ATP2B2: variants seen among roughly 807,000 people sequenced by gnomAD.
ATP2B2 encodes the protein plasma membrane calcium-transporting ATPase 2.
A neutral mutation model predicts 120.0 loss-of-function variants in ATP2B2; 15 were observed. That is an observed-to-expected ratio of 0.12 (90% CI 0.08 to 0.19). The LOEUF is 0.19. Ranked by LOEUF, ATP2B2 falls within the 10% of genes least tolerant of loss-of-function variation. The pLI is 1.00. For synonymous variants in ATP2B2, 694 were observed against 700.3 expected (o/e 0.99, Z 0.14); for missense variants, 1,045 against 1,719.8 (o/e 0.61, Z 6.94).
chr3:10,467,743 C>T lies in ATP2B2; in HGVS notation c.-319-17881G>A, dbSNP rs1047963125. Among the ~76,000 whole-genome samples the T allele has an allele frequency of 1.5e-3, 225 of 152,170 alleles. 5 individuals are homozygous for T. Among genetic ancestry groups the T allele is most frequent in the Admixed American group, 8.5e-4 (13 of 15,278 alleles). On this transcript the variant is annotated intron_variant, in intron 1 of 22. Coordinates refer to ENST00000360273, the MANE Select transcript of ATP2B2 (RefSeq NM_001001331.4). ...TACTGAACCGGAGGAAACGAGGTAA[C>T]ATTTTTGGCGGGGAGATGGCCAATG...
intron 2 of ATP2B2, among the ~76,000 whole-genome samples, chr3:10,429,390 T>C (rs955286761): frequency 6.6e-6 from 1 of 152,210 alleles, no homozygotes; most frequent in African/African-American, 2.4e-5. Flanking sequence ...CATGCTCACC[T>C]CATTTCTCTA....
rs779631357 is a variant in ATP2B2, at chr3:10,350,216, A to G, written c.2317-17T>C. The G allele has an allele frequency of 7.3e-5, 103 of 1,410,480 alleles. No homozygotes were observed. The Middle Eastern group carries it at 9.1e-4, about 12-fold the overall frequency. 87.4% of individuals were successfully genotyped at this position (1,410,480 alleles called of 1,614,324 possible). On this transcript the variant is annotated splice_polypyrimidine_tract_variant and intron_variant, in intron 15 of 22. Coordinates refer to ENST00000360273, the MANE Select transcript of ATP2B2 (RefSeq NM_001001331.4). ...CTGCTCAATCTGGAGAGGGATGGGG[A>G]AGGGGGCGGGTCGGTGGGGTCGGGG...
At chr3:10,512,464 G>GCGCGCGCACACACACACA (rs749056818) in intron 3 of ATP2B2, among the ~76,000 whole-genome samples, 58 of 137,014 alleles carry the variant, frequency 4.2e-4, no homozygotes, top group Middle Eastern at 3.8e-3. Flanking sequence ...AAGTGTGTGC[G>GCGCGCGCACACACACACA]CACACACACA....
At chr3:10,336,015 C>A (rs569973519) in intron 22 of ATP2B2, 1 of 1,305,478 alleles carries the variant, frequency 7.7e-7, no homozygotes, top group Non-Finnish European at 1.0e-6. Flanking sequence ...CCCTTCATCC[C>A]CCTGGGCCTG....
chr3:10,706,190 G>GTGAGTGAA (rs2071893394), intron 1 of ATP2B2, among the ~76,000 whole-genome samples: 1 of 152,118 alleles, frequency 6.6e-6, no homozygotes, highest in African/African-American at 2.4e-5. Context: ...GAGTGAGTGA[G>GTGAGTGAA]TGAATGAATG....
At chr3:10,525,384 T>G (rs2067071360) in intron 3 of ATP2B2, among the ~76,000 whole-genome samples, 1 of 152,242 alleles carries the variant, frequency 6.6e-6, no homozygotes, top group Admixed American at 6.5e-5. Flanking sequence ...TAGAAGAGTT[T>G]TAGATTTACA....
chr3:10,691,045 G>T (rs1322699296), intron 1 of ATP2B2, among the ~76,000 whole-genome samples: 1 of 152,140 alleles, frequency 6.6e-6, no homozygotes, highest in Admixed American at 6.5e-5. Flanking sequence ...GCCTACTCAG[G>T]GTGTCCAGTT....
At chr3:10,490,755 C>T (rs916994470) in intron 1 of ATP2B2, among the ~76,000 whole-genome samples, 1 of 152,158 alleles carries the variant, frequency 6.6e-6, no homozygotes, top group African/African-American at 2.4e-5. Context: ...GAGCTGCACC[C>T]AGTAGGTGCA....
At position 10,371,802 on chromosome 3, in the gene ATP2B2, C is replaced by T; in HGVS notation, c.1659+7G>A. The T allele has an allele frequency of 6.2e-7, 1 of 1,614,152 alleles. No homozygotes were observed. Among genetic ancestry groups the T allele is most frequent in the Non-Finnish European group, 8.5e-7 (1 of 1,180,028 alleles). On this transcript the variant is annotated splice_region_variant and intron_variant, in intron 12 of 22. Transcript: ENST00000360273. Reference sequence around the variant, plus strand: ...CCAGGTGGTGGATGTGCCTGGTCCACACTTACCAGAATCTTGGTGGTGTAG... The same window carrying T: ...CCAGGTGGTGGATGTGCCTGGTCCATACTTACCAGAATCTTGGTGGTGTAG...
chr3:10,668,508 C>T (rs774755070), intron 1 of ATP2B2, among the ~76,000 whole-genome samples: 78 of 152,338 alleles, frequency 5.1e-4, no homozygotes, highest in Non-Finnish European at 9.7e-4. Flanking sequence ...TGCCCCCAGG[C>T]GTGCCCCTGC....
intron 1 of ATP2B2, among the ~76,000 whole-genome samples, chr3:10,690,095 T>C (rs2071622190): frequency 6.6e-6 from 1 of 152,170 alleles, no homozygotes; most frequent in Non-Finnish European, 1.5e-5. Flanking sequence ...CTGGGGGCAG[T>C]CAAACAGCAA....
At chr3:10,501,373 G>GTTTT (rs71626976) in intron 1 of ATP2B2, among the ~76,000 whole-genome samples, 18 of 143,802 alleles carry the variant, frequency 1.3e-4, no homozygotes, top group African/African-American at 4.1e-4. Flanking sequence ...TTTTTAAACG[G>GTTTT]TTTTTTTTTT....
chr3:10,324,889 C>G lies in ATP2B2; in HGVS notation c.*3925G>C, dbSNP rs2059834828. On this transcript the variant is annotated 3_prime_UTR_variant, in exon 23 of 23. Transcript: ENST00000360273. Reference sequence around the variant, plus strand: ...AGTGCAGACAACTGGGCCACACATTCTTTCCCAGCTCCAGGCCTAGGAGAG... The same window carrying G: ...AGTGCAGACAACTGGGCCACACATTGTTTCCCAGCTCCAGGCCTAGGAGAG... The G allele has an allele frequency of 6.6e-6, 1 of 152,268 alleles. No homozygotes were observed. Among genetic ancestry groups the G allele is most frequent in the Non-Finnish European group, 1.5e-5 (1 of 68,052 alleles). 9.4% of individuals were successfully genotyped at this position (152,268 alleles called of 1,614,324 possible).
chr3:10,627,162 T>C (rs890986634), intron 1 of ATP2B2, among the ~76,000 whole-genome samples: 4 of 152,158 alleles, frequency 2.6e-5, no homozygotes, highest in Admixed American at 6.5e-5. Context: ...TGCCCCACAG[T>C]GTGGATGGCA....
chr3:10,524,835 G>A (rs965858165), intron 3 of ATP2B2, among the ~76,000 whole-genome samples: 2 of 152,122 alleles, frequency 1.3e-5, no homozygotes, highest in Non-Finnish European at 1.5e-5. Flanking sequence ...CCATGCTCTT[G>A]GCAGTCTCTA....
intron 1 of ATP2B2, among the ~76,000 whole-genome samples, chr3:10,627,590 C>G (rs1459452145): frequency 6.6e-6 from 1 of 152,142 alleles, no homozygotes. Context: ...GAAAAATGAC[C>G]TCTCCCCCTC....
intron 2 of ATP2B2, among the ~76,000 whole-genome samples, chr3:10,612,996 C>A (rs968481338): frequency 6.6e-6 from 1 of 152,124 alleles, no homozygotes. Flanking sequence ...AAGGAACAAC[C>A]ATGCCATTAC....
chr3:10,608,872 G>C (rs1294725663), intron 2 of ATP2B2, among the ~76,000 whole-genome samples: 1 of 152,146 alleles, frequency 6.6e-6, no homozygotes, highest in South Asian at 2.1e-4. Flanking sequence ...AAATCCCCTG[G>C]TGCCTAGCAG....
chr3:10,380,296 A>G (rs1419103378), intron 8 of ATP2B2, among the ~76,000 whole-genome samples: 2 of 152,124 alleles, frequency 1.3e-5, no homozygotes, highest in Non-Finnish European at 2.9e-5. Flanking sequence ...CCTCCCATCT[A>G]CTGGGCCTGC....
Sources: gnomAD v4.1 joint callset for allele counts (sites outside exome capture counted in the v4.1 genomes callset) on GRCh38, gnomAD v4.1.1 for gene constraint, MANE v1.5 for transcripts, NCBI Gene and HGNC (gene_info 2026-07-23, HGNC 2026-07-21) for gene names.